HHAT: variants seen among roughly 807,000 people sequenced by gnomAD.
HHAT encodes protein-cysteine N-palmitoyltransferase HHAT.
In HHAT, 47 loss-of-function variants were observed where a neutral mutation model predicts 70.8. That is an observed-to-expected ratio of 0.66 (90% CI 0.53 to 0.85). The LOEUF is 0.85. HHAT is among the 40% of genes least tolerant of loss of function. The pLI, the probability that HHAT is intolerant of heterozygous loss-of-function variation, is 0.00. For synonymous variants in HHAT, 228 were observed against 247.6 expected, an observed-to-expected ratio of 0.92 and a Z score of 0.74; for missense variants, 609 against 604.8, an observed-to-expected ratio of 1.01 and a Z score of -0.07.
chr1:210,463,240 A>C (rs2094018086), intron 7 of HHAT, among the ~76,000 whole-genome samples: 1 of 151,994 alleles, frequency 6.6e-6, no homozygotes, highest in Non-Finnish European at 1.5e-5. Context: ...GTATATCTAC[A>C]GATATGATTC....
At chr1:210,501,752 CTA>C (rs2094759198) in intron 8 of HHAT, among the ~76,000 whole-genome samples, 4 of 152,138 alleles carry the variant, frequency 2.6e-5, no homozygotes, top group African/African-American at 9.7e-5. Flanking sequence ...CTGGAAAGTG[CTA>C]GTTCATAGGC....
chr1:210,441,847 C>T (rs185906683), intron 7 of HHAT, among the ~76,000 whole-genome samples: 170 of 151,070 alleles, frequency 1.1e-3, no homozygotes, highest in African/African-American at 4.1e-3. Context: ...TATACACACA[C>T]ACACACTTTT....
chr1:210,664,817 A>G (rs1678543500), intron 11 of HHAT, among the ~76,000 whole-genome samples: 1 of 151,920 alleles, frequency 6.6e-6, no homozygotes, highest in Non-Finnish European at 1.5e-5. Flanking sequence ...GCTTTTACTC[A>G]CTCTAGGGTA....
rs771216269 is a variant in HHAT, at chr1:210,404,517, C to G, written c.522C>G (p.Thr174=). 1.2e-6 allele frequency: 2 copies of G among 1,613,494 alleles called. No homozygotes were observed. The highest frequency in any genetic ancestry group is 1.3e-5 in the African/African-American group (1 of 75,034). ...NEYYLLQFTL[T]VRCLYYTSFS... is the part of the protein sequence containing the mutation. ...ACTACCTGCTGCAGTTCACGCTGACCGTTCGCTGCCTGTACTACACCAGCT... is the reference window on the plus strand; with the variant it reads ...ACTACCTGCTGCAGTTCACGCTGACGGTTCGCTGCCTGTACTACACCAGCT... The change falls in exon 6 of 12, where the codon ACC becomes ACG. Residue 174 remains threonine, a synonymous_variant. Transcript: ENST00000261458.
At position 210,604,543 on chromosome 1, in the gene HHAT, C is replaced by T. The variant is rs193105914; in HGVS notation, c.1245+16444C>T. Among the ~76,000 whole-genome samples the T allele has an allele frequency of 1.8e-3, 271 of 152,190 alleles. 1 individual carries two copies. The highest frequency in any genetic ancestry group is 2.0e-3 in the Non-Finnish European group (139 of 68,008). The stretch of plus-strand genomic sequence containing the variant: ...ATACTAAAATAATTGTGGTGGTTAA[C>T]TCTTACTGGTGGTATTATTTGTGAT... On this transcript the variant is annotated intron_variant, in intron 10 of 11. Transcript: ENST00000261458.
intron 6 of HHAT, among the ~76,000 whole-genome samples, chr1:210,410,010 A>G (rs919873880): frequency 4.0e-5 from 6 of 151,844 alleles, no homozygotes; most frequent in African/African-American, 1.5e-4. Flanking sequence ...TGAGCTATAT[A>G]TGGTCTGTCT....
intron 4 of HHAT, among the ~76,000 whole-genome samples, chr1:210,396,590 C>T (rs188183820): frequency 6.6e-6 from 1 of 152,312 alleles, no homozygotes; most frequent in East Asian, 1.9e-4. Flanking sequence ...TGATCTTGGG[C>T]ATTTATCCCA....
intron 3 of HHAT, chr1:210,374,299 A>T (rs111414926): frequency 6.6e-6 from 1 of 152,240 alleles, no homozygotes; most frequent in African/African-American, 2.4e-5. Flanking sequence ...TCATTGTTGC[A>T]GTAACCGCAA....
At chr1:210,385,704 A>G (rs17016068) in intron 3 of HHAT, among the ~76,000 whole-genome samples, 24,886 of 152,240 alleles carry the variant, frequency 0.16, 2,442 homozygotes, top group Admixed American at 0.26. Flanking sequence ...CTTTTTTAAA[A>G]TGAGTGGCAC....
chr1:210,331,441 T>C (rs1003295800), intron 1 of HHAT, among the ~76,000 whole-genome samples: 1 of 152,188 alleles, frequency 6.6e-6, no homozygotes, highest in Non-Finnish European at 1.5e-5. Flanking sequence ...TAATCCAGAA[T>C]GTATGGATAT....
At chr1:210,611,248 G>T (rs144659611) in intron 10 of HHAT, among the ~76,000 whole-genome samples, 1 of 152,104 alleles carries the variant, frequency 6.6e-6, no homozygotes, top group Non-Finnish European at 1.5e-5. Context: ...TGTATTCCTA[G>T]GTATTTTTTT....
intron 4 of HHAT, among the ~76,000 whole-genome samples, chr1:210,396,066 T>C (rs2091766784): frequency 6.6e-6 from 1 of 152,192 alleles, no homozygotes; most frequent in Admixed American, 6.5e-5. Flanking sequence ...GATGCCTGCT[T>C]AAGTCAACCA....
At chr1:210,413,526 A>C (rs2092626709) in intron 6 of HHAT, among the ~76,000 whole-genome samples, 1 of 152,182 alleles carries the variant, frequency 6.6e-6, no homozygotes, top group Non-Finnish European at 1.5e-5. Flanking sequence ...TTTTACTATA[A>C]ACAGTCAAGA....
chr1:210,457,116 T>C (rs1280010466), intron 7 of HHAT, among the ~76,000 whole-genome samples: 1 of 152,166 alleles, frequency 6.6e-6, no homozygotes, highest in East Asian at 1.9e-4. Context: ...TCATGATGAC[T>C]CTGAGCACTG....
chr1:210,426,421 T>C (rs1271994180), intron 7 of HHAT, among the ~76,000 whole-genome samples: 1 of 152,186 alleles, frequency 6.6e-6, no homozygotes. Context: ...CTTGTACCAG[T>C]TTTCAAGAGG....
chr1:210,559,796 T>A (rs1410098140), intron 9 of HHAT, among the ~76,000 whole-genome samples: 4 of 152,244 alleles, frequency 2.6e-5, no homozygotes, highest in Non-Finnish European at 4.4e-5. Context: ...CAGTCATTGA[T>A]GTCACCCAGG....
chr1:210,553,049 C>A (rs755569110), intron 9 of HHAT, among the ~76,000 whole-genome samples: 14 of 152,176 alleles, frequency 9.2e-5, no homozygotes, highest in Non-Finnish European at 1.8e-4. Context: ...CCCATCTTTG[C>A]CTGTTCCACT....
chr1:210,561,837 G>T (rs1357893508), intron 9 of HHAT, among the ~76,000 whole-genome samples: 2 of 152,090 alleles, frequency 1.3e-5, no homozygotes, highest in Admixed American at 6.5e-5. Flanking sequence ...TGTTTGTTTT[G>T]TCTGTCAGGC....
chr1:210,363,872 A>G (rs1409070990), intron 3 of HHAT, among the ~76,000 whole-genome samples: 4 of 152,218 alleles, frequency 2.6e-5, no homozygotes. Flanking sequence ...CTTGCATTCC[A>G]GGTTCTGAAC....
Sources: gnomAD v4.1 joint callset for allele counts (sites outside exome capture counted in the v4.1 genomes callset) on GRCh38, gnomAD v4.1.1 for gene constraint, MANE v1.5 for transcripts, NCBI Gene and HGNC (gene_info 2026-07-23, HGNC 2026-07-21) for gene names.